Variants in LRRC53 observed in about 807,000 individuals in gnomAD.
LRRC53 encodes leucine-rich repeat-containing protein 53.
A neutral mutation model predicts 13.6 loss-of-function variants in LRRC53; 25 were observed. The ratio of observed to expected loss-of-function variants is 1.83; its 90% confidence interval spans 1.34 to 2.56. The LOEUF (loss-of-function observed/expected upper bound fraction) is 2.56, where lower values mean the gene tolerates loss of function less well. Among genes scored for constraint, LRRC53 ranks in the 30% most tolerant of loss-of-function variants. LRRC53 has a pLI of 0.00. For synonymous variants in LRRC53, 204 were observed against 109.8 expected, an observed-to-expected ratio of 1.86 and a Z score of -5.37; for missense variants, 527 against 275.8, an observed-to-expected ratio of 1.91 and a Z score of -6.45.
At position 74,480,604 on chromosome 1, in the gene LRRC53, G is replaced by T. The variant is rs1246049000; in HGVS notation, c.453C>A (p.Phe151Leu). The change falls in exon 3 of 5, where the codon TTC becomes TTA. Residue 151 changes from phenylalanine (F) to leucine (L), a missense_variant. Physicochemically the swap from Phe to Leu is conservative, Grantham distance 22 (BLOSUM62 0). Coordinates refer to ENST00000294635, the MANE Select transcript of LRRC53 (RefSeq NM_001382280.1). ...NQITNLTDSS[F>L]GGTNLHSLRY... The stretch of plus-strand genomic sequence containing the variant: ...TGAGACTGTGGAGATTCGTGCCTCC[G>T]AAAGAACTGTCTGTGAGATTAGTAA... 2 of 717,098 alleles carry T rather than the reference G, an allele frequency of 2.8e-6. No homozygotes were observed. The highest frequency in any genetic ancestry group is 1.7e-5 in the African/African-American group (1 of 57,266). The allele number at this position is 717,098 out of a possible 1,614,324, so 44.4% of individuals were successfully genotyped here. A position where few individuals can be genotyped will look rare whatever the true frequency, so the allele number is the denominator to read the frequency against.
chr1:74,469,543 A>C lies in LRRC53; in HGVS notation c.*335T>G. On this transcript the variant is annotated 3_prime_UTR_variant, in exon 5 of 5. Coordinates refer to ENST00000294635, the MANE Select transcript of LRRC53 (RefSeq NM_001382280.1). ...AAACATCAAATGTAAATCTGCTCAA[A>C]TACTCTTCTTATGTAGTTTTTCATT... 1 of 187,606 alleles carries C rather than the reference A, an allele frequency of 5.3e-6. No individual in the cohort carries two copies. The allele number at this position is 187,606 out of a possible 1,614,324, so 11.6% of individuals were successfully genotyped here.
At chr1:74,522,145 T>C in the LRRC53 span, among the ~76,000 whole-genome samples, 5 of 152,176 alleles carry the variant, frequency 3.3e-5, no homozygotes, top group African/African-American at 1.2e-4. Context: ...TCAGGCACTA[T>C]TGGAAACTTA....
chr1:74,512,667 C>T (rs1035661893), upstream of LRRC53: 1 of 152,238 alleles, frequency 6.6e-6, no homozygotes, highest in East Asian at 1.9e-4. Context: ...CACACCACCC[C>T]CTCCTGGCTT....
At chr1:74,476,814 A>G (rs1368653522) in intron 3 of LRRC53, among the ~76,000 whole-genome samples, 1 of 152,166 alleles carries the variant, frequency 6.6e-6, no homozygotes, top group Non-Finnish European at 1.5e-5. Flanking sequence ...TCCACTGGAG[A>G]CAATATTAAT....
At chr1:74,516,565 G>A (rs564691890), upstream of LRRC53, among the ~76,000 whole-genome samples, 1 of 152,264 alleles carries the variant, frequency 6.6e-6, no homozygotes, top group Admixed American at 6.5e-5. Flanking sequence ...TAGAGGATGA[G>A]GCTGGAGAAA....
At chr1:74,499,395 T>C (rs1669494311) in intron 1 of LRRC53, among the ~76,000 whole-genome samples, 1 of 152,210 alleles carries the variant, frequency 6.6e-6, no homozygotes. Context: ...CTTCCTAAAG[T>C]GCTGAGATTA....
At chr1:74,525,731 A>C in the LRRC53 span, among the ~76,000 whole-genome samples, 1 of 152,182 alleles carries the variant, frequency 6.6e-6, no homozygotes, top group African/African-American at 2.4e-5. Flanking sequence ...GGCCACAGAG[A>C]ACTTCTTACA....
Position 74,475,495 on chromosome 1 carries a change from C to A in LRRC53, c.1220G>T (p.Arg407Leu), listed in dbSNP as rs1054954149. 7.0e-6 allele frequency: 5 copies of A among 716,868 alleles called. No individual in the cohort carries two copies. The highest frequency in any genetic ancestry group is 1.3e-5 in the Non-Finnish European group (5 of 384,796). The allele number at this position is 716,868 out of a possible 1,614,324, so 44.4% of individuals were successfully genotyped here. Residue 407 changes from arginine (R) to leucine (L), a missense_variant, in exon 4 of 5, where the codon CGT becomes CTT. Physicochemically the swap from Arg to Leu is moderately radical, Grantham distance 102 (BLOSUM62 -2). Coordinates refer to ENST00000294635, the MANE Select transcript of LRRC53 (RefSeq NM_001382280.1). The stretch of plus-strand genomic sequence containing the variant: ...GCAAAATAAAGTGCTGCCTACCCCA[C>A]GGTCTTTCTTTTTCAGGTTTCTAAA... Reference protein sequence around the residue: ...GSFRNLKKKDRGVGSTLFCQD... With the variant: ...GSFRNLKKKDLGVGSTLFCQD...
chr1:74,511,775 C>T (rs531548232), intron 1 of LRRC53, among the ~76,000 whole-genome samples: 1 of 151,920 alleles, frequency 6.6e-6, no homozygotes, highest in South Asian at 2.1e-4. Flanking sequence ...AAAGCCATCC[C>T]GTTTCACTTG....
the LRRC53 span, among the ~76,000 whole-genome samples, chr1:74,533,655 A>G: frequency 6.6e-6 from 1 of 152,000 alleles, no homozygotes; most frequent in Admixed American, 6.6e-5. Context: ...AAGACTTGGA[A>G]CCAACCCAAA....
chr1:74,531,552 A>G, the LRRC53 span, among the ~76,000 whole-genome samples: 1 of 152,166 alleles, frequency 6.6e-6, no homozygotes, highest in East Asian at 1.9e-4. Context: ...TTTTAAATAG[A>G]TCTGTTTTCA....
chr1:74,480,254 T>G lies in LRRC53; in HGVS notation c.803A>C (p.Asn268Thr). The G allele has an allele frequency of 1.4e-6, 1 of 717,526 alleles. No homozygotes were observed. Among genetic ancestry groups the G allele is most frequent in the South Asian group, 1.5e-5 (1 of 67,606 alleles). 44.4% of individuals were successfully genotyped at this position (717,526 alleles called of 1,614,324 possible). ...GAAGTTGGGAGCTTTGGAATCACAGTTGGTCTCAGACAGCCTCAGCACACT... is the reference window on the plus strand; with the variant it reads ...GAAGTTGGGAGCTTTGGAATCACAGGTGGTCTCAGACAGCCTCAGCACACT... ...AQSVLRLSET[N>T]CDSKAPNFTL... The change falls in exon 3 of 5, where the codon AAC becomes ACC. Residue 268 changes from asparagine to threonine, a missense_variant. Physicochemically the swap from Asn to Thr is moderately conservative, Grantham distance 65 (BLOSUM62 0). Transcript: ENST00000294635.
At chr1:74,489,139 T>C in intron 1 of LRRC53, 2 of 1,519,788 alleles carry the variant, frequency 1.3e-6, no homozygotes, top group African/African-American at 2.8e-5. Flanking sequence ...CCAAAGAGAG[T>C]CTCCTTCCTT....
At chr1:74,507,481 G>A (rs112800844) in intron 1 of LRRC53, among the ~76,000 whole-genome samples, 5 of 152,130 alleles carry the variant, frequency 3.3e-5, no homozygotes, top group African/African-American at 1.2e-4. Flanking sequence ...CTTGAAGCCA[G>A]GAACTGTGTC....
intron 1 of LRRC53, among the ~76,000 whole-genome samples, chr1:74,502,890 ACT>A (rs148083740): frequency 0.073 from 11,166 of 152,044 alleles, 968 homozygotes; most frequent in African/African-American, 0.21. Context: ...AAACAGCCTC[ACT>A]CTCTGACCAC....
chr1:74,499,440 C>T (rs752286137), intron 1 of LRRC53, among the ~76,000 whole-genome samples: 8 of 152,110 alleles, frequency 5.3e-5, no homozygotes, highest in Non-Finnish European at 8.8e-5. Flanking sequence ...CCCACAATAA[C>T]TTTTATTAAA....
chr1:74,525,190 A>G, the LRRC53 span, among the ~76,000 whole-genome samples: 1 of 152,202 alleles, frequency 6.6e-6, no homozygotes, highest in South Asian at 2.1e-4. Context: ...GAAAGAATGC[A>G]GCAGGCATAA....
At position 74,475,522 on chromosome 1, in the gene LRRC53, G is replaced by T; in HGVS notation, c.1193C>A (p.Ser398Ter). The change falls in exon 4 of 5, where the codon TCA (serine) becomes TAA (stop). Residue 398 changes from serine to a stop codon, truncating the protein, a stop_gained. Transcript: ENST00000294635. LOFTEE classifies it high-confidence loss of function. The stretch of plus-strand genomic sequence containing the variant: ...GTCTTTCTTTTTCAGGTTTCTAAAT[G>T]ATCCGTCAAGGGTTGCAGACTCAGA... ...SASESATLDG[S>*]FRNLKKKDRG... 1.4e-6 allele frequency: 1 copy of T among 716,920 alleles called. No individual in the cohort carries two copies. Among genetic ancestry groups the T allele is most frequent in the Non-Finnish European group, 2.6e-6 (1 of 384,832 alleles). 44.4% of individuals were successfully genotyped at this position (716,920 alleles called of 1,614,324 possible).
intron 1 of LRRC53, among the ~76,000 whole-genome samples, chr1:74,507,340 C>A (rs968830034): frequency 6.6e-6 from 1 of 151,652 alleles, no homozygotes; most frequent in East Asian, 2.0e-4. Flanking sequence ...AGTTACCCAT[C>A]ATGTTTGCTG....
Sources: allele counts gnomAD v4.1 joint callset (sites outside exome capture counted in the v4.1 genomes callset), GRCh38; gene constraint gnomAD v4.1.1; transcripts MANE v1.5; gene names NCBI Gene and HGNC (gene_info 2026-07-23, HGNC 2026-07-21).